ZPBP: variants seen among roughly 807,000 people sequenced by gnomAD.
ZPBP encodes zona pellucida binding protein, also known as zona pellucida-binding protein 1.
ZPBP carries 26 observed loss-of-function variants against 44.8 expected under a neutral mutation model. The observed-to-expected ratio is 0.58, with a 90% confidence interval of 0.43 to 0.81. ZPBP has a LOEUF of 0.81. Among genes scored for constraint, ZPBP ranks in the 30% least tolerant of loss-of-function variants. The pLI is 0.00. For missense variants in ZPBP, 409 were observed against 434.0 expected (o/e 0.94, Z 0.51); for synonymous variants, 174 against 153.2 (o/e 1.14, Z -1.00).
chr7:50,012,935 G>A (rs900835714), intron 6 of ZPBP, among the ~76,000 whole-genome samples: 1 of 151,678 alleles, frequency 6.6e-6, no homozygotes, highest in Non-Finnish European at 1.5e-5. Flanking sequence ...AGTTAATTTA[G>A]CAAGGTGGCA....
chr7:49,908,319 A>G (rs569991828), intron 1 of ZPBP, among the ~76,000 whole-genome samples: 1 of 152,306 alleles, frequency 6.6e-6, no homozygotes, highest in Admixed American at 6.5e-5. Flanking sequence ...TAACTTTGGA[A>G]TGCCCTTGTC....
chr7:49,974,777 C>A (rs1189538577), intron 7 of ZPBP, among the ~76,000 whole-genome samples: 3 of 716 alleles, frequency 4.2e-3, no homozygotes, highest in African/African-American at 0.024. Flanking sequence ...TGAATACGCA[C>A]GTTTCTGTAG....
intron 1 of ZPBP, among the ~76,000 whole-genome samples, chr7:49,907,496 AAG>A (rs1793170377): frequency 6.6e-6 from 1 of 152,228 alleles, no homozygotes; most frequent in Admixed American, 6.5e-5. Context: ...TTTAATAAAC[AAG>A]AGTCTGTCAA....
At chr7:50,087,420 C>T (rs943878810) in intron 2 of ZPBP, among the ~76,000 whole-genome samples, 11 of 151,846 alleles carry the variant, frequency 7.2e-5, no homozygotes, top group African/African-American at 1.7e-4. Context: ...AACACATTAT[C>T]GTCGCCATAC....
intron 5 of ZPBP, among the ~76,000 whole-genome samples, chr7:50,020,652 A>G (rs1394856274): frequency 6.6e-6 from 1 of 152,116 alleles, no homozygotes; most frequent in Non-Finnish European, 1.5e-5. Context: ...TAAGTTTTCT[A>G]CAAGATTAAA....
chr7:49,974,837 C>T (rs6951385), intron 7 of ZPBP, among the ~76,000 whole-genome samples: 40 of 498 alleles, frequency 0.08, 11 homozygotes, highest in Admixed American at 0.13. Flanking sequence ...TAAAATAGCA[C>T]CAGATCTGAT....
chr7:49,885,021 A>C (rs1356046757), intron 2 of ZPBP, among the ~76,000 whole-genome samples: 2 of 152,230 alleles, frequency 1.3e-5, no homozygotes, highest in East Asian at 3.9e-4. Flanking sequence ...TTGTATGGCT[A>C]AATTTAAAAT....
chr7:49,866,461 C>A (rs1484658178), intron 2 of ZPBP, among the ~76,000 whole-genome samples: 1 of 152,224 alleles, frequency 6.6e-6, no homozygotes, highest in East Asian at 1.9e-4. Flanking sequence ...CCAAACCCTG[C>A]AGGCAAGCCC....
chr7:50,014,900 G>A (rs1798753832), intron 6 of ZPBP, among the ~76,000 whole-genome samples: 1 of 152,104 alleles, frequency 6.6e-6, no homozygotes, highest in Non-Finnish European at 1.5e-5. Context: ...TCAAAAGATT[G>A]TATTTAATAA....
chr7:49,923,299 C>T (rs1049564196), intron 1 of ZPBP, among the ~76,000 whole-genome samples: 6 of 152,090 alleles, frequency 3.9e-5, no homozygotes, highest in African/African-American at 1.4e-4. Context: ...TAAAGGCAGC[C>T]AGAGGAAACA....
chr7:50,014,581 C>T (rs1798736581), intron 6 of ZPBP, among the ~76,000 whole-genome samples: 1 of 150,798 alleles, frequency 6.6e-6, no homozygotes, highest in Non-Finnish European at 1.5e-5. Flanking sequence ...TCTCCTGCCT[C>T]AGCCTCCTGA....
At chr7:50,024,769 G>A (rs1305451424) in intron 5 of ZPBP, among the ~76,000 whole-genome samples, 2 of 151,822 alleles carry the variant, frequency 1.3e-5, no homozygotes, top group African/African-American at 2.4e-5. Context: ...ACCACACGAG[G>A]ACTCTAGTTA....
chr7:49,965,026 C>G (rs1796005104), intron 7 of ZPBP, among the ~76,000 whole-genome samples: 1 of 152,072 alleles, frequency 6.6e-6, no homozygotes, highest in South Asian at 2.1e-4. Context: ...CCAAGAATGA[C>G]AGGCTGACAG....
At chr7:49,952,204 G>C (rs1795373101) in intron 7 of ZPBP, among the ~76,000 whole-genome samples, 1 of 151,864 alleles carries the variant, frequency 6.6e-6, no homozygotes, top group South Asian at 2.1e-4. Flanking sequence ...TTAAAATGGT[G>C]AATTTTAATT....
At chr7:49,864,951 C>T (rs1790816331) in intron 2 of ZPBP, among the ~76,000 whole-genome samples, 1 of 152,098 alleles carries the variant, frequency 6.6e-6, no homozygotes, top group African/African-American at 2.4e-5. Flanking sequence ...TCTGACAGTT[C>T]CTGTTTGTTT....
intron 2 of ZPBP, among the ~76,000 whole-genome samples, chr7:49,853,719 T>A (rs1229145599): frequency 2.0e-5 from 3 of 152,198 alleles, no homozygotes; most frequent in Non-Finnish European, 2.9e-5. Flanking sequence ...TTTAATTTTT[T>A]ATTTTTTTAT....
At chr7:50,000,018 A>G (rs1798025570) in intron 6 of ZPBP, among the ~76,000 whole-genome samples, 1 of 152,144 alleles carries the variant, frequency 6.6e-6, no homozygotes, top group African/African-American at 2.4e-5. Flanking sequence ...GGGAGGGTAG[A>G]TAGAAGTAAA....
At chr7:49,895,991 A>G (rs1305436178) in intron 2 of ZPBP, among the ~76,000 whole-genome samples, 1 of 152,136 alleles carries the variant, frequency 6.6e-6, no homozygotes, top group Non-Finnish European at 1.5e-5. Flanking sequence ...TTTTCCCAAG[A>G]TTCTTAGTAG....
chr7:49,945,711 C>A (rs536667755), intron 7 of ZPBP, among the ~76,000 whole-genome samples: 1 of 151,738 alleles, frequency 6.6e-6, no homozygotes, highest in African/African-American at 2.4e-5. Context: ...TCTTTATTTT[C>A]AGCCTATGTG....
Sources: allele counts gnomAD v4.1 joint callset (sites outside exome capture counted in the v4.1 genomes callset), GRCh38; gene constraint gnomAD v4.1.1; transcripts MANE v1.5; gene names NCBI Gene and HGNC (gene_info 2026-07-23, HGNC 2026-07-21).